RNF130: variants seen among roughly 807,000 people sequenced by gnomAD.
The protein encoded by RNF130 is E3 ubiquitin-protein ligase RNF130.
In RNF130, 21 loss-of-function variants were observed where a neutral mutation model predicts 44.6. That is an observed-to-expected ratio of 0.47 (90% CI 0.33 to 0.68). RNF130 has a LOEUF of 0.68. RNF130 is among the 30% of genes least tolerant of loss of function. The pLI is 0.02. For synonymous variants in RNF130, 214 were observed against 210.4 expected (o/e 1.02, Z -0.15); for missense variants, 479 against 560.6 (o/e 0.85, Z 1.47).
chr5:180,000,388 T>A (rs1266365517), intron 3 of RNF130, among the ~76,000 whole-genome samples: 16 of 152,196 alleles, frequency 1.1e-4, no homozygotes, highest in Admixed American at 9.2e-4. Flanking sequence ...GTTTTCAGAT[T>A]TACTCTTATT....
intron 7 of RNF130, among the ~76,000 whole-genome samples, chr5:179,948,322 T>C (rs1461256008): frequency 6.6e-6 from 1 of 152,224 alleles, no homozygotes; most frequent in African/African-American, 2.4e-5. Flanking sequence ...CCCAGCTTCA[T>C]GGCAGACCTG....
intron 3 of RNF130, among the ~76,000 whole-genome samples, chr5:180,003,164 A>G (rs1346082346): frequency 6.6e-6 from 1 of 152,170 alleles, no homozygotes; most frequent in Non-Finnish European, 1.5e-5. Context: ...GCGCAAAGTC[A>G]AGAAAGATTT....
intron 6 of RNF130, among the ~76,000 whole-genome samples, chr5:179,969,867 T>C (rs185671012): frequency 6.6e-6 from 1 of 152,274 alleles, no homozygotes; most frequent in Admixed American, 6.5e-5. Context: ...GACGGGCACC[T>C]GCAATCCCAG....
chr5:180,015,736 GA>G (rs541830085), intron 2 of RNF130, among the ~76,000 whole-genome samples: 24 of 13,562 alleles, frequency 1.8e-3, no homozygotes, highest in East Asian at 7.5e-3. Flanking sequence ...AAAGGAGTAG[GA>G]AAAGGAGTAG....
chr5:179,973,696 G>T (rs1762640546), intron 5 of RNF130, among the ~76,000 whole-genome samples: 1 of 152,138 alleles, frequency 6.6e-6, no homozygotes, highest in Admixed American at 6.5e-5. Flanking sequence ...ACACCCAGGA[G>T]GCCTCAGAAA....
At chr5:180,063,622 G>A (rs1765035950) in intron 1 of RNF130, among the ~76,000 whole-genome samples, 1 of 152,154 alleles carries the variant, frequency 6.6e-6, no homozygotes. Flanking sequence ...GGAGGTACGT[G>A]GAGAGAAAAC....
chr5:179,963,008 T>C (rs1433262609), intron 8 of RNF130, among the ~76,000 whole-genome samples: 1 of 152,336 alleles, frequency 6.6e-6, no homozygotes, highest in Middle Eastern at 3.4e-3. Flanking sequence ...TTCAAACTGC[T>C]TCTTTCCTGC....
exon 8 of RNF130, chr5:179,916,242 G>A (rs1426291075): frequency 6.6e-6 from 1 of 152,106 alleles, no homozygotes; most frequent in South Asian, 2.1e-4. Flanking sequence ...GTTAAAACTA[G>A]CTTCAGCCGG....
intron 6 of RNF130, 31 bp from the exon 7 acceptor site, chr5:179,967,041 G>T (rs1249954272): frequency 2.5e-6 from 4 of 1,572,942 alleles, no homozygotes; most frequent in Non-Finnish European, 3.5e-6. Context: ...AAAAATAATT[G>T]TAAGGAAAAC....
intron 3 of RNF130, among the ~76,000 whole-genome samples, chr5:179,987,600 A>C (rs1308159141): frequency 6.6e-6 from 1 of 152,242 alleles, no homozygotes; most frequent in Non-Finnish European, 1.5e-5. Context: ...AGCTTTTCCT[A>C]ATCAATATGA....
intron 1 of RNF130, among the ~76,000 whole-genome samples, chr5:180,066,214 C>T (rs1209419057): frequency 2.0e-5 from 3 of 152,198 alleles, no homozygotes; most frequent in Non-Finnish European, 4.4e-5. Context: ...TTCCCCCATA[C>T]TATTCTCGTG....
chr5:179,949,161 C>T (rs989818096), intron 7 of RNF130, among the ~76,000 whole-genome samples: 4 of 151,870 alleles, frequency 2.6e-5, no homozygotes, highest in East Asian at 3.9e-4. Context: ...GATGGGGTTT[C>T]GCCATGTTGG....
chr5:180,023,795 C>T (rs181297259), intron 2 of RNF130, among the ~76,000 whole-genome samples: 404 of 152,288 alleles, frequency 2.7e-3, no homozygotes, highest in Non-Finnish European at 4.1e-3. Context: ...AGATACTCTA[C>T]CCTAAGGGAG....
At chr5:179,998,717 T>C (rs182188971) in intron 3 of RNF130, among the ~76,000 whole-genome samples, 1 of 152,040 alleles carries the variant, frequency 6.6e-6, no homozygotes, top group East Asian at 1.9e-4. Flanking sequence ...ATGTGTTACT[T>C]CCATTTGGTC....
chr5:180,040,815 T>C (rs1007195648), intron 1 of RNF130, among the ~76,000 whole-genome samples, 168 bp from the exon 2 acceptor site: 3 of 152,250 alleles, frequency 2.0e-5, no homozygotes, highest in Non-Finnish European at 2.9e-5. Flanking sequence ...GCTGAATCAG[T>C]ACCTATAGGG....
exon 8 of RNF130, chr5:179,911,803 G>C (rs892935075): frequency 3.3e-5 from 5 of 152,188 alleles, no homozygotes; most frequent in Non-Finnish European, 7.3e-5. Flanking sequence ...GTGCTGCCCA[G>C]AACATTTCAA....
chr5:179,935,254 C>T lies in RNF130; in HGVS notation c.1151-14828G>A, dbSNP rs556413203. ...ATCCTTAAATATTAGTTGAAATTTG[C>T]TAAATTTATTGAAATTTATCATCCA... On this transcript the variant is annotated intron_variant, in intron 7 of 7. Coordinates refer to the RNF130 transcript ENST00000522208. Among the ~76,000 whole-genome samples the T allele has an allele frequency of 7.2e-5, 11 of 152,200 alleles. No individual in the cohort carries two copies. The East Asian group carries it at 1.9e-3, about 27-fold the overall frequency.
chr5:179,932,782 G>A (rs1396223303), intron 7 of RNF130, among the ~76,000 whole-genome samples: 4 of 152,004 alleles, frequency 2.6e-5, no homozygotes, highest in Non-Finnish European at 4.4e-5. Context: ...ATTGCAGTAA[G>A]CTGAGATTGT....
intron 2 of RNF130, among the ~76,000 whole-genome samples, chr5:180,028,888 T>C (rs1764057304): frequency 6.6e-6 from 1 of 152,198 alleles, no homozygotes. Flanking sequence ...AATCTCAAAA[T>C]GAAAGAAAAA....
Sources: allele counts gnomAD v4.1 joint callset (sites outside exome capture counted in the v4.1 genomes callset), GRCh38; gene constraint gnomAD v4.1.1; transcripts MANE v1.5; gene names NCBI Gene and HGNC (gene_info 2026-07-23, HGNC 2026-07-21).